The following PPP3R1 variants were observed in gnomAD, a reference collection of about 807,000 sequenced individuals.
PPP3R1 encodes protein phosphatase 3 regulatory subunit B, alpha.
PPP3R1 carries 5 observed loss-of-function variants against 22.6 expected under a neutral mutation model. The ratio of observed to expected loss-of-function variants is 0.22; its 90% CI spans 0.12 to 0.46. The LOEUF is 0.46. PPP3R1 is among the 20% of genes least tolerant of loss of function. The pLI, the probability that PPP3R1 is intolerant of heterozygous loss-of-function variation, is 0.99. For synonymous variants in PPP3R1, 56 were observed against 65.2 expected (o/e 0.86, Z 0.68); for missense variants, 61 against 203.2 (o/e 0.30, Z 4.25).
intron 5 of PPP3R1, among the ~76,000 whole-genome samples, chr2:68,183,815 G>A (rs888096389): frequency 2.9e-4 from 44 of 152,214 alleles, no homozygotes; most frequent in African/African-American, 9.9e-4. Flanking sequence ...TGAGATCCTT[G>A]GCTTTGCTTC....
intron 1 of PPP3R1, among the ~76,000 whole-genome samples, chr2:68,232,223 A>ATGTGTG (rs76815812): frequency 7.4e-4 from 34 of 45,760 alleles, no homozygotes; most frequent in South Asian, 3.6e-3. Flanking sequence ...ATATGTATAT[A>ATGTGTG]TGTGTGTGTG....
chr2:68,204,880 C>G lies in PPP3R1; in HGVS notation c.43+12212G>C, dbSNP rs115213971. 5.1e-3 allele frequency among the ~76,000 whole-genome samples: 781 copies of G among 152,330 alleles called. 6 individuals are homozygous for G. The highest frequency in any genetic ancestry group is 0.018 in the African/African-American group (750 of 41,580). On this transcript the variant is annotated intron_variant, in intron 2 of 5. Transcript: ENST00000234310. ...TACTCAGCATCTGCTTTATGCCAGG[C>G]ATTATGCTTCCACTGTCAAAGTCCC...
intron 2 of PPP3R1, among the ~76,000 whole-genome samples, chr2:68,212,462 T>C (rs1669505173): frequency 2.6e-5 from 4 of 152,200 alleles, no homozygotes; most frequent in Admixed American, 2.6e-4. Flanking sequence ...TTACAAAATG[T>C]CTTTCTTAAG....
chr2:68,234,749 T>C (rs1381954180), intron 1 of PPP3R1, among the ~76,000 whole-genome samples: 1 of 152,204 alleles, frequency 6.6e-6, no homozygotes, highest in Non-Finnish European at 1.5e-5. Flanking sequence ...AATTTGGTAC[T>C]ACTTTCTAAT....
At chr2:68,245,336 T>C (rs1181248690) in intron 1 of PPP3R1, among the ~76,000 whole-genome samples, 3 of 152,132 alleles carry the variant, frequency 2.0e-5, no homozygotes, top group Non-Finnish European at 4.4e-5. Flanking sequence ...CACTCCAACC[T>C]GGGCAAAATA....
chr2:68,186,757 A>T, intron 4 of PPP3R1, 105 bp from the exon 5 acceptor site: 1 of 1,044,418 alleles, frequency 9.6e-7, no homozygotes, highest in Non-Finnish European at 1.4e-6. Flanking sequence ...AATTATGACT[A>T]TGAGGATGTC....
At chr2:68,251,925 GGCCCCGCCGCCGTCCTGTCAGCAGCC>G (rs1263090615) in intron 1 of PPP3R1, among the ~76,000 whole-genome samples, 174 bp downstream of exon 1, 47 of 147,138 alleles carry the variant, frequency 3.2e-4, no homozygotes, top group South Asian at 4.2e-4. Context: ...CGGGCGCGGG[GGCCCCGCCGCCGTCCTGTCAGCAGCC>G]GCCCCGCCGC....
chr2:68,204,886 G>A (rs1325456383), intron 2 of PPP3R1, among the ~76,000 whole-genome samples: 4 of 152,218 alleles, frequency 2.6e-5, no homozygotes, highest in African/African-American at 7.2e-5. Context: ...CAGGCATTAT[G>A]CTTCCACTGT....
chr2:68,224,293 T>C (rs1669742422), intron 1 of PPP3R1, among the ~76,000 whole-genome samples: 2 of 152,182 alleles, frequency 1.3e-5, no homozygotes. Flanking sequence ...CATATGGAGA[T>C]GCAAAGAACC....
At chr2:68,187,821 A>C (rs1005915811) in intron 3 of PPP3R1, among the ~76,000 whole-genome samples, 1 of 152,146 alleles carries the variant, frequency 6.6e-6, no homozygotes, top group African/African-American at 2.4e-5. Context: ...AACTAAAATA[A>C]AATCTATTGA....
At chr2:68,189,635 A>G (rs1674619255) in intron 2 of PPP3R1, among the ~76,000 whole-genome samples, 1 of 152,214 alleles carries the variant, frequency 6.6e-6, no homozygotes, top group Non-Finnish European at 1.5e-5. Context: ...TGGGAGGCCA[A>G]TGTGGGCAGA....
chr2:68,211,253 A>T (rs1472378519), intron 2 of PPP3R1, among the ~76,000 whole-genome samples: 2 of 151,974 alleles, frequency 1.3e-5, no homozygotes. Context: ...AAAAATACAA[A>T]AAAATTAGCC....
chr2:68,226,288 T>C (rs1271161950), intron 1 of PPP3R1, among the ~76,000 whole-genome samples: 1 of 152,202 alleles, frequency 6.6e-6, no homozygotes, highest in Non-Finnish European at 1.5e-5. Flanking sequence ...ACATTAACTA[T>C]GCACTTAAAA....
chr2:68,196,849 G>A (rs569537183), intron 2 of PPP3R1, among the ~76,000 whole-genome samples: 1 of 151,980 alleles, frequency 6.6e-6, no homozygotes, highest in East Asian at 1.9e-4. Context: ...CTCAGCCTCC[G>A]GGGTAGCTGA....
chr2:68,220,616 T>C (rs576037757), intron 1 of PPP3R1, among the ~76,000 whole-genome samples: 1 of 152,306 alleles, frequency 6.6e-6, no homozygotes, highest in Admixed American at 6.5e-5. Context: ...AACAAACTCT[T>C]ACGTTCTTTA....
chr2:68,241,923 A>G (rs1160320444), intron 1 of PPP3R1, among the ~76,000 whole-genome samples: 1 of 152,106 alleles, frequency 6.6e-6, no homozygotes, highest in Non-Finnish European at 1.5e-5. Context: ...GACAAGCAGT[A>G]TCTAATGGAA....
intron 2 of PPP3R1, among the ~76,000 whole-genome samples, chr2:68,206,594 TC>T (rs1675130517): frequency 6.6e-6 from 1 of 152,186 alleles, no homozygotes; most frequent in Non-Finnish European, 1.5e-5. Context: ...TAATCCACAT[TC>T]TAATCCTACA....
intron 2 of PPP3R1, among the ~76,000 whole-genome samples, chr2:68,203,562 T>C (rs1001568726): frequency 5.3e-5 from 8 of 151,374 alleles, no homozygotes; most frequent in Non-Finnish European, 8.8e-5. Context: ...GATCGCGCCA[T>C]TGCACTCCAG....
intron 1 of PPP3R1, among the ~76,000 whole-genome samples, chr2:68,248,223 C>G (rs906957121): frequency 4.6e-5 from 7 of 152,150 alleles, no homozygotes; most frequent in Non-Finnish European, 8.8e-5. Flanking sequence ...CTCATCCTTT[C>G]AAGACTCAGT....
Sources: allele counts gnomAD v4.1 joint callset (sites outside exome capture counted in the v4.1 genomes callset), GRCh38; gene constraint gnomAD v4.1.1; transcripts MANE v1.5; gene names NCBI Gene and HGNC (gene_info 2026-07-23, HGNC 2026-07-21).